Variants in CFAP47 observed in about 807,000 individuals in gnomAD.
CFAP47 encodes cilia and flagella associated protein 47.
In CFAP47, 29 loss-of-function variants were observed where a neutral mutation model predicts 148.1. That is an observed-to-expected ratio of 0.20 (90% CI 0.15 to 0.27). The LOEUF (loss-of-function observed/expected upper bound fraction) is 0.27, where lower values mean the gene tolerates loss of function less well. Among genes scored for constraint, CFAP47 ranks in the 10% least tolerant of loss-of-function variants. CFAP47 has a pLI of 1.00. For synonymous variants in CFAP47, 664 were observed against 577.3 expected (o/e 1.15, Z -2.15); for missense variants, 1,872 against 1,697.5 (o/e 1.10, Z -1.81).
intron 1 of CFAP47, among the ~76,000 whole-genome samples, chrX:35,924,541 A>G (rs140427200): frequency 0.019 from 2,011 of 103,258 alleles, 78 homozygotes; most frequent in African/African-American, 0.07. Context: ...ATATATGTGC[A>G]CCTATATGTG....
chrX:36,114,629 T>A (rs1938608940), intron 33 of CFAP47, among the ~76,000 whole-genome samples: 1 of 111,564 alleles, frequency 9.0e-6, no homozygotes, highest in African/African-American at 3.3e-5. Flanking sequence ...AGCGCTCAGC[T>A]CTCTACTCCT....
At chrX:35,940,530 G>A (rs1238049169) in intron 2 of CFAP47, among the ~76,000 whole-genome samples, 1 of 111,238 alleles carries the variant, frequency 9.0e-6, no homozygotes, top group African/African-American at 3.3e-5. Flanking sequence ...GCTGTGGTGT[G>A]TATGAAGCCA....
At chrX:36,304,392 CAA>C (rs34996225) in intron 54 of CFAP47, among the ~76,000 whole-genome samples, 31 of 80,769 alleles carry the variant, frequency 3.8e-4, no homozygotes, top group African/African-American at 6.2e-4. Flanking sequence ...CAAAAGTAAT[CAA>C]AAAAAAAAAA....
intron 57 of CFAP47, among the ~76,000 whole-genome samples, chrX:36,347,692 A>G (rs1156756470): frequency 9.0e-6 from 1 of 111,189 alleles, no homozygotes; most frequent in Non-Finnish European, 1.9e-5. Flanking sequence ...AGAAAACCAA[A>G]CACTGCATGT....
chrX:36,171,383 C>G (rs1466195956), intron 39 of CFAP47, among the ~76,000 whole-genome samples: 5 of 110,826 alleles, frequency 4.5e-5, no homozygotes, highest in Non-Finnish European at 9.4e-5. Context: ...ATGCTTGTGT[C>G]CTGAATGGTA....
Position 36,232,242 on chromosome X carries a change from C to T in CFAP47, c.7014+3418C>T, listed in dbSNP as rs781886619. On this transcript the variant is annotated intron_variant, in intron 46 of 63. Transcript: ENST00000378653. ...AATTCGGCTGTGAATCCATCTGGTC[C>T]TGGACTCTTTTTGGTTGGTAAGCTA... Among the ~76,000 whole-genome samples the T allele has an allele frequency of 6.3e-5, 7 of 111,536 alleles. No homozygotes were observed. In the East Asian group the frequency reaches 2.0e-3, roughly 31 times the overall value.
At chrX:36,228,154 A>G (rs1430814064) in intron 45 of CFAP47, among the ~76,000 whole-genome samples, 1 of 111,843 alleles carries the variant, frequency 8.9e-6, no homozygotes, top group Non-Finnish European at 1.9e-5. Flanking sequence ...TGTGGCTGAC[A>G]GTAAAGCCCA....
chrX:35,966,523 C>G, intron 8 of CFAP47, 42 bp from the exon 9 acceptor site: 1 of 869,843 alleles, frequency 1.1e-6, no homozygotes, highest in Non-Finnish European at 1.5e-6. Context: ...AACTTTTTTT[C>G]TACCAATTTA....
intron 25 of CFAP47, among the ~76,000 whole-genome samples, chrX:36,045,679 C>T (rs1937456730): frequency 8.9e-6 from 1 of 112,338 alleles, no homozygotes; most frequent in Non-Finnish European, 1.9e-5. Context: ...TAAATAGACA[C>T]TAACCTTTGT....
At chrX:36,185,197 A>T (rs1939793746) in intron 40 of CFAP47, among the ~76,000 whole-genome samples, 1 of 110,610 alleles carries the variant, frequency 9.0e-6, no homozygotes, top group South Asian at 3.8e-4. Context: ...GGTTCATAGA[A>T]GACAGTCTTC....
intron 51 of CFAP47, among the ~76,000 whole-genome samples, chrX:36,295,297 A>G (rs1284174728): frequency 8.9e-6 from 1 of 112,195 alleles, no homozygotes; most frequent in Non-Finnish European, 1.9e-5. Context: ...TACTCATGAA[A>G]GTGGAGGAAT....
chrX:36,375,995 G>C (rs1446125209), intron 62 of CFAP47, among the ~76,000 whole-genome samples: 12 of 112,119 alleles, frequency 1.1e-4, no homozygotes, highest in African/African-American at 3.9e-4. Context: ...GAAGCAAGAG[G>C]CCAGAGCAGG....
chrX:36,371,138 C>T (rs1193655431), intron 62 of CFAP47, among the ~76,000 whole-genome samples: 1 of 111,415 alleles, frequency 9.0e-6, no homozygotes, highest in Non-Finnish European at 1.9e-5. Flanking sequence ...ATAAGTAAAA[C>T]TTTTGAGAAA....
At chrX:35,979,890 T>G (rs1936619113) in intron 15 of CFAP47, among the ~76,000 whole-genome samples, 1 of 112,194 alleles carries the variant, frequency 8.9e-6, no homozygotes, top group African/African-American at 3.2e-5. Flanking sequence ...CAAGGAAAAG[T>G]ATAGGGTATT....
intron 3 of CFAP47, among the ~76,000 whole-genome samples, chrX:35,941,829 A>T (rs1187077582): frequency 8.9e-6 from 1 of 111,970 alleles, no homozygotes; most frequent in Non-Finnish European, 1.9e-5. Context: ...GTGGTATGTT[A>T]CTTGGCTCAT....
chrX:36,198,252 T>G (rs2146880556), intron 42 of CFAP47, among the ~76,000 whole-genome samples: 1 of 111,333 alleles, frequency 9.0e-6, no homozygotes, highest in African/African-American at 3.3e-5. Context: ...ATTGGTTCTG[T>G]CCAGAAAGCA....
chrX:36,141,639 CT>C (rs1939142452), intron 35 of CFAP47, among the ~76,000 whole-genome samples: 1 of 111,768 alleles, frequency 8.9e-6, no homozygotes, highest in Admixed American at 9.5e-5. Flanking sequence ...AAATTTTCAG[CT>C]TTAAAGAACA....
chrX:35,938,613 A>G (rs1935952413), intron 2 of CFAP47, among the ~76,000 whole-genome samples: 1 of 111,532 alleles, frequency 9.0e-6, no homozygotes, highest in Non-Finnish European at 1.9e-5. Context: ...CTTATTGCTT[A>G]TGTGAATCCC....
At chrX:36,382,652 A>G (rs1556024342) in intron 63 of CFAP47, among the ~76,000 whole-genome samples, 1 of 111,411 alleles carries the variant, frequency 9.0e-6, no homozygotes, top group African/African-American at 3.3e-5. Flanking sequence ...AAAAATATAT[A>G]TACAGCTTTG....
Sources: allele counts gnomAD v4.1 joint callset (sites outside exome capture counted in the v4.1 genomes callset), GRCh38; gene constraint gnomAD v4.1.1; transcripts MANE v1.5; gene names NCBI Gene and HGNC (gene_info 2026-07-23, HGNC 2026-07-21).